SCAPER: variants seen among roughly 807,000 people sequenced by gnomAD.
SCAPER encodes S-phase cyclin A associated protein in the ER, also known as S phase cyclin A-associated protein in the endoplasmic reticulum.
SCAPER carries 98 observed loss-of-function variants against 182.2 expected under a neutral mutation model. The ratio of observed to expected loss-of-function variants is 0.54; its 90% confidence interval spans 0.46 to 0.64. SCAPER has a LOEUF of 0.64. Among genes scored for constraint, SCAPER ranks in the 30% least tolerant of loss-of-function variants. The pLI is 0.00. For missense variants in SCAPER, 1,432 were observed against 1,690.0 expected (o/e 0.85, Z 2.68); for synonymous variants, 605 against 564.6 (o/e 1.07, Z -1.01).
chr15:76,389,143 A>G (rs1353190567), intron 27 of SCAPER, among the ~76,000 whole-genome samples: 1 of 152,118 alleles, frequency 6.6e-6, no homozygotes, highest in African/African-American at 2.4e-5. Context: ...GGGTAAAAGA[A>G]AAGTCAAGGT....
At chr15:76,820,539 T>G (rs1295830730) in intron 5 of SCAPER, among the ~76,000 whole-genome samples, 2 of 130,312 alleles carry the variant, frequency 1.5e-5, no homozygotes, top group African/African-American at 6.0e-5. Context: ...AATTGAACAA[T>G]GAGAACATAA....
At chr15:76,546,016 C>T (rs1286864209) in intron 23 of SCAPER, among the ~76,000 whole-genome samples, 1 of 152,118 alleles carries the variant, frequency 6.6e-6, no homozygotes, top group African/African-American at 2.4e-5. Flanking sequence ...GCGGAAAGTC[C>T]TAGCTCAACA....
At chr15:76,774,643 AAAG>A (rs2063642784) in intron 9 of SCAPER, among the ~76,000 whole-genome samples, 2 of 152,172 alleles carry the variant, frequency 1.3e-5, no homozygotes, top group Admixed American at 1.3e-4. Flanking sequence ...TAACAAGAGA[AAAG>A]AAAAAATGTG....
chr15:76,891,792 T>C (rs765824514), intron 1 of SCAPER, among the ~76,000 whole-genome samples: 1 of 152,124 alleles, frequency 6.6e-6, no homozygotes, highest in South Asian at 2.1e-4. Context: ...AATGACTTTC[T>C]TCACAGAATT....
intron 21 of SCAPER, among the ~76,000 whole-genome samples, chr15:76,639,919 T>G (rs1004947479): frequency 6.6e-6 from 1 of 152,190 alleles, no homozygotes; most frequent in Non-Finnish European, 1.5e-5. Context: ...ACTCATCCTT[T>G]AATCAATATC....
intron 7 of SCAPER, among the ~76,000 whole-genome samples, chr15:76,799,972 A>G (rs932533977): frequency 1.3e-5 from 2 of 151,704 alleles, no homozygotes; most frequent in Non-Finnish European, 2.9e-5. Flanking sequence ...GCAAGTCAGC[A>G]TATGACTCAC....
intron 5 of SCAPER, among the ~76,000 whole-genome samples, chr15:76,807,604 A>G (rs2151552553): frequency 6.6e-6 from 1 of 151,900 alleles, no homozygotes; most frequent in Non-Finnish European, 1.5e-5. Flanking sequence ...ACATATGTAT[A>G]CATGTGCCAT....
chr15:76,468,316 A>T (rs2049852117), intron 25 of SCAPER, among the ~76,000 whole-genome samples: 1 of 152,148 alleles, frequency 6.6e-6, no homozygotes, highest in Non-Finnish European at 1.5e-5. Flanking sequence ...TGCCATGTAT[A>T]AGAAAAAAAA....
At chr15:76,679,624 G>C (rs2057572633) in intron 20 of SCAPER, among the ~76,000 whole-genome samples, 1 of 152,162 alleles carries the variant, frequency 6.6e-6, no homozygotes, top group South Asian at 2.1e-4. Context: ...AGTGACAGAT[G>C]AGAAAAATAA....
chr15:76,790,516 T>A (rs2064932547), intron 8 of SCAPER, among the ~76,000 whole-genome samples: 1 of 152,204 alleles, frequency 6.6e-6, no homozygotes, highest in South Asian at 2.1e-4. Flanking sequence ...TTTCTTACAA[T>A]GCAAATTTTA....
chr15:76,821,417 G>C (rs984019005), intron 5 of SCAPER, among the ~76,000 whole-genome samples: 3 of 152,180 alleles, frequency 2.0e-5, no homozygotes, highest in South Asian at 2.1e-4. Context: ...GCAGGAGTTG[G>C]AGACAAGCCT....
chr15:76,519,544 T>A (rs2042685271), intron 23 of SCAPER, among the ~76,000 whole-genome samples: 1 of 152,238 alleles, frequency 6.6e-6, no homozygotes, highest in African/African-American at 2.4e-5. Context: ...ACATCTACTG[T>A]CCACTAGACT....
intron 29 of SCAPER, among the ~76,000 whole-genome samples, chr15:76,371,705 G>A (rs568172749): frequency 6.6e-6 from 1 of 151,690 alleles, no homozygotes; most frequent in South Asian, 2.1e-4. Flanking sequence ...GATCACCTGA[G>A]GTCAGGAGTT....
At chr15:76,403,402 G>A (rs1449251976) in intron 27 of SCAPER, among the ~76,000 whole-genome samples, 1 of 152,220 alleles carries the variant, frequency 6.6e-6, no homozygotes, top group Admixed American at 6.5e-5. Flanking sequence ...TGGCTTCCCT[G>A]ACTTCTCTAG....
At chr15:76,845,711 A>G (rs187673597) in intron 4 of SCAPER, among the ~76,000 whole-genome samples, 1 of 152,284 alleles carries the variant, frequency 6.6e-6, no homozygotes, top group East Asian at 1.9e-4. Context: ...CAAAAAATAG[A>G]AAGATATTCC....
intron 22 of SCAPER, among the ~76,000 whole-genome samples, chr15:76,580,292 A>C (rs893105273): frequency 1.3e-5 from 2 of 152,232 alleles, no homozygotes; most frequent in African/African-American, 4.8e-5. Context: ...AGTCTTAAAA[A>C]ATTCAAAAAC....
At chr15:76,406,900 A>G (rs1441720348) in intron 26 of SCAPER, among the ~76,000 whole-genome samples, 1 of 152,212 alleles carries the variant, frequency 6.6e-6, no homozygotes, top group Non-Finnish European at 1.5e-5. Context: ...GGATGAGTAT[A>G]TGACCTAGGG....
Position 76,399,640 on chromosome 15 carries a change from T to C in SCAPER, c.3467+4884A>G, listed in dbSNP as rs190194303. On this transcript the variant is annotated intron_variant, in intron 27 of 31. Transcript: ENST00000563290. ...CCTGGTACAAGTCATCAGCTATTGC[T>C]TTTCTATCCCAAGTTGAAACAAAGA... Among the ~76,000 whole-genome samples the C allele has an allele frequency of 3.1e-4, 47 of 152,336 alleles. 1 individual carries two copies. The highest frequency in any genetic ancestry group is 1.0e-3 in the African/African-American group (42 of 41,584).
intron 26 of SCAPER, among the ~76,000 whole-genome samples, chr15:76,426,044 A>T (rs1295577529): frequency 6.6e-6 from 1 of 152,144 alleles, no homozygotes; most frequent in Non-Finnish European, 1.5e-5. Context: ...CCTCCCAGTT[A>T]GGCTACTCGG....
Sources: gnomAD v4.1 joint callset for allele counts (sites outside exome capture counted in the v4.1 genomes callset) on GRCh38, gnomAD v4.1.1 for gene constraint, MANE v1.5 for transcripts, NCBI Gene and HGNC (gene_info 2026-07-23, HGNC 2026-07-21) for gene names.